SND1: variants seen among roughly 807,000 people sequenced by gnomAD.
SND1 encodes staphylococcal nuclease domain-containing protein 1.
In SND1, 38 loss-of-function variants were observed where a neutral mutation model predicts 121.7. The ratio of observed to expected loss-of-function variants is 0.31; its 90% CI spans 0.24 to 0.41. The LOEUF (loss-of-function observed/expected upper bound fraction) is 0.41. Among genes scored for constraint, SND1 ranks in the 10% least tolerant of loss-of-function variants. The pLI is 1.00. For synonymous variants in SND1, 401 were observed against 447.4 expected (o/e 0.90, Z 1.31); for missense variants, 868 against 1,184.6 (o/e 0.73, Z 3.92).
chr7:127,775,955 A>G (rs543952680), intron 10 of SND1, among the ~76,000 whole-genome samples: 4 of 152,200 alleles, frequency 2.6e-5, no homozygotes, highest in Admixed American at 2.0e-4. Context: ...AAAGGAATCA[A>G]CCTTCAGCAA....
At chr7:128,091,492 G>A (rs961063949) in intron 22 of SND1, among the ~76,000 whole-genome samples, 2 of 151,956 alleles carry the variant, frequency 1.3e-5, no homozygotes, top group Admixed American at 6.5e-5. Context: ...TTATAGGCAT[G>A]AGCCACCACA....
chr7:128,064,388 A>G (rs1793279383), intron 16 of SND1, among the ~76,000 whole-genome samples: 1 of 152,056 alleles, frequency 6.6e-6, no homozygotes, highest in Admixed American at 6.5e-5. Context: ...GCAGTGGGGG[A>G]CCTGTTACTC....
chr7:127,982,557 T>C (rs561669017), intron 15 of SND1, among the ~76,000 whole-genome samples: 34 of 152,366 alleles, frequency 2.2e-4, no homozygotes, highest in Admixed American at 1.6e-3. Flanking sequence ...AGTAGGAGTT[T>C]AGAGAACAAG....
intron 10 of SND1, among the ~76,000 whole-genome samples, chr7:127,740,564 G>A (rs183622667): frequency 2.2e-4 from 33 of 152,330 alleles, no homozygotes; most frequent in Non-Finnish European, 2.9e-4. Flanking sequence ...GAGGAAAAAT[G>A]TTAAGAATAG....
chr7:128,079,371 G>A (rs1793559685), intron 17 of SND1, among the ~76,000 whole-genome samples: 3 of 152,268 alleles, frequency 2.0e-5, no homozygotes, highest in African/African-American at 7.2e-5. Context: ...AAGTCCTGCT[G>A]CCTGCCTCCT....
chr7:127,882,720 C>A (rs1266331083), intron 12 of SND1, among the ~76,000 whole-genome samples: 1 of 152,118 alleles, frequency 6.6e-6, no homozygotes, highest in East Asian at 1.9e-4. Flanking sequence ...GAAATTTTCC[C>A]CTGGCTACAG....
At chr7:128,074,361 G>A in intron 16 of SND1, 141 bp from the exon 17 acceptor site, 1 of 756,720 alleles carries the variant, frequency 1.3e-6, no homozygotes. Flanking sequence ...AAATTGAAGG[G>A]TTCTGGGGGT....
chr7:127,991,317 GCTT>G (rs1365268958), intron 16 of SND1, among the ~76,000 whole-genome samples: 1 of 152,234 alleles, frequency 6.6e-6, no homozygotes, highest in African/African-American at 2.4e-5. Flanking sequence ...GATGCAGAGA[GCTT>G]ACATCTTTGC....
chr7:128,054,569 A>G (rs1441787757), intron 16 of SND1, among the ~76,000 whole-genome samples: 2 of 152,152 alleles, frequency 1.3e-5, no homozygotes, highest in African/African-American at 2.4e-5. Flanking sequence ...GTCTCCAGTA[A>G]TTTTCATTTT....
chr7:127,876,464 G>A (rs1350747519), intron 12 of SND1, among the ~76,000 whole-genome samples: 4 of 152,166 alleles, frequency 2.6e-5, no homozygotes, highest in Non-Finnish European at 4.4e-5. Context: ...GAATGAGAGA[G>A]ATGTCAGGCC....
At chr7:128,071,359 G>A (rs1472188366) in intron 16 of SND1, among the ~76,000 whole-genome samples, 1 of 152,080 alleles carries the variant, frequency 6.6e-6, no homozygotes, top group Admixed American at 6.5e-5. Context: ...AGGAGCAATG[G>A]TTCAATATTT....
intron 15 of SND1, among the ~76,000 whole-genome samples, chr7:127,990,596 T>C (rs1384268542): frequency 6.6e-6 from 1 of 152,176 alleles, no homozygotes; most frequent in Non-Finnish European, 1.5e-5. Context: ...CTGTAAGAGA[T>C]GGCTCAAGCT....
intron 1 of SND1, among the ~76,000 whole-genome samples, chr7:127,657,431 G>A (rs888868705): frequency 2.0e-5 from 3 of 152,144 alleles, no homozygotes; most frequent in Admixed American, 6.5e-5. Flanking sequence ...AAGGAAGGGC[G>A]TTCCTGGCCG....
rs758091078 is a variant in SND1, at chr7:128,092,062, G to A, written c.*4G>A. 6.2e-7 allele frequency: 1 copy of A among 1,614,004 alleles called. No individual in the cohort carries two copies. The highest frequency in any genetic ancestry group is 8.5e-7 in the Non-Finnish European group (1 of 1,179,864). On this transcript the variant is annotated 3_prime_UTR_variant, in exon 24 of 24. Coordinates refer to ENST00000354725, the MANE Select transcript of SND1 (RefSeq NM_014390.4). The surrounding 1 kb of genome is among the most constrained non-coding windows in gnomAD (Gnocchi z 4.9). Reference sequence around the variant, plus strand: ...CGAATTTGGCTACAGCCGCTAAGGAGGGGATCGGGTTTGGCCCCCAGCCCC... The same window carrying A: ...CGAATTTGGCTACAGCCGCTAAGGAAGGGATCGGGTTTGGCCCCCAGCCCC...
chr7:127,962,936 A>G (rs1801767424), intron 15 of SND1, among the ~76,000 whole-genome samples: 1 of 152,220 alleles, frequency 6.6e-6, no homozygotes, highest in Non-Finnish European at 1.5e-5. Flanking sequence ...AAATGACTCC[A>G]TGATCTCTTA....
chr7:127,686,536 G>A (rs1449478384), intron 1 of SND1, 77 bp from the exon 2 acceptor site: 30 of 1,462,202 alleles, frequency 2.1e-5, no homozygotes, highest in Non-Finnish European at 2.7e-5. Context: ...AAATGTTGGG[G>A]ATACGGTGGT....
At chr7:128,053,473 A>T (rs1793081289) in intron 16 of SND1, among the ~76,000 whole-genome samples, 1 of 152,160 alleles carries the variant, frequency 6.6e-6, no homozygotes, top group African/African-American at 2.4e-5. Flanking sequence ...TTCAAAAAAA[A>T]TGGTGCAGGA....
At position 127,865,589 on chromosome 7, in the gene SND1, T is replaced by A. The variant is rs972820678; in HGVS notation, c.1343+21165T>A. ...CTAAGGGACTGTCTTGATTCTGTAA[T>A]TTTTTTTTTCTCCTTTGTGGTTTTG... On this transcript the variant is annotated intron_variant, in intron 12 of 23. Coordinates refer to ENST00000354725, the MANE Select transcript of SND1 (RefSeq NM_014390.4). 1.3e-5 allele frequency among the ~76,000 whole-genome samples: 2 copies of A among 150,448 alleles called. 1 individual carries two copies. Among genetic ancestry groups the A allele is most frequent in the African/African-American group, 4.9e-5 (2 of 41,088 alleles).
rs1218251925 is a variant in SND1, at chr7:127,694,937, A to G, written c.338A>G (p.Tyr113Cys). ...TPQGREYGMI[Y>C]LGKDTNGENI... Reference sequence around the variant, plus strand: ...CAGGGGCGAGAGTATGGCATGATCTACCTTGGAAAAGGTGAGCTGCAGGGA... The same window carrying G: ...CAGGGGCGAGAGTATGGCATGATCTGCCTTGGAAAAGGTGAGCTGCAGGGA... Residue 113 changes from tyrosine to cysteine, a missense_variant, in exon 3 of 24, where the codon TAC (tyrosine) becomes TGC (cysteine). This residue lies in a region of SND1 where 743 missense variants were observed against 1,071.3 expected (regional missense o/e 0.69). Coordinates refer to ENST00000354725, the MANE Select transcript of SND1 (RefSeq NM_014390.4). The G allele has an allele frequency of 1.6e-5, 25 of 1,612,784 alleles. No individual in the cohort carries two copies. Among genetic ancestry groups the G allele is most frequent in the Non-Finnish European group, 2.1e-5 (25 of 1,179,156 alleles).
Sources: gnomAD v4.1 joint callset for allele counts (sites outside exome capture counted in the v4.1 genomes callset) on GRCh38, gnomAD v4.1.1 for gene constraint, gnomAD v4.1.1 regional missense constraint, Gnocchi (gnomAD v3.1) non-coding constraint, MANE v1.5 for transcripts, NCBI Gene and HGNC (gene_info 2026-07-23, HGNC 2026-07-21) for gene names.